The following SFI1 variants were observed in gnomAD, a reference collection of about 807,000 sequenced individuals.
The protein encoded by SFI1 is protein SFI1 homolog.
Under a neutral mutation model 207.5 loss-of-function variants are expected in SFI1, and 195 were observed. That is an observed-to-expected ratio of 0.94 (90% CI 0.84 to 1.06). SFI1 has a LOEUF of 1.06. SFI1 is among the 50% of genes least tolerant of loss of function. The pLI, the probability that SFI1 is intolerant of heterozygous loss-of-function variation, is 0.00. For missense variants in SFI1, 1,634 were observed against 1,588.0 expected (o/e 1.03, Z -0.49); for synonymous variants, 630 against 598.9 (o/e 1.05, Z -0.76).
At chr22:31,535,667 C>A (rs978063930) in intron 4 of SFI1, among the ~76,000 whole-genome samples, 11 of 152,052 alleles carry the variant, frequency 7.2e-5, no homozygotes, top group African/African-American at 2.7e-4. Flanking sequence ...TACAGACGTG[C>A]ACCACCATGC....
rs1293482714 is a variant in SFI1 at position 31,615,092 on chromosome 22, C to T, written c.3113C>T (p.Ala1038Val). ...QEHGLGMAQP[A>V]APSLTRPFLA... ...CATGGCCTAGGCATGGCTCAGCCAGCAGCCCCCTCCCTGACGCGGCCCTTC... is the reference window on the plus strand; with the variant it reads ...CATGGCCTAGGCATGGCTCAGCCAGTAGCCCCCTCCCTGACGCGGCCCTTC... The change falls in exon 29 of 33, where the codon GCA becomes GTA. Residue 1038 changes from alanine to valine, a missense_variant. Transcript: ENST00000400288. The T allele has an allele frequency of 2.5e-6, 4 of 1,606,412 alleles. No individual in the cohort carries two copies. The African/African-American group carries it at 4.0e-5, about 16-fold the overall frequency.
chr22:31,573,655 C>G (rs566752096), intron 9 of SFI1, among the ~76,000 whole-genome samples: 8 of 152,252 alleles, frequency 5.3e-5, no homozygotes, highest in Non-Finnish European at 1.2e-4. Context: ...CCAGGCTAGT[C>G]TCAAACTCCT....
chr22:31,606,082 C>T lies in SFI1; in HGVS notation c.2055-246C>T, dbSNP rs2068920267. ...TTATGCCCTGTTATCCCCGTAGCAC[C>T]TGGAGTTTGGTCTCCAGCAGTGCTG... On this transcript the variant is annotated intron_variant, in intron 20 of 32. Transcript: ENST00000400288. 8.2e-6 allele frequency: 4 copies of T among 488,488 alleles called. No homozygotes were observed. In the South Asian group the frequency reaches 1.1e-4, roughly 13 times the overall value. The allele number at this position is 488,488 out of a possible 1,614,324, so 30.3% of individuals were successfully genotyped here. A position where few individuals can be genotyped will look rare whatever the true frequency, so the allele number is the denominator to read the frequency against.
chr22:31,611,389 T>C, intron 23 of SFI1, 86 bp downstream of exon 23: 1 of 1,430,692 alleles, frequency 7.0e-7, no homozygotes, highest in Non-Finnish European at 9.3e-7. Context: ...GGAAGGGGTC[T>C]TTCCTGACAG....
chr22:31,522,267 C>T (rs566163570), intron 2 of SFI1, among the ~76,000 whole-genome samples: 1 of 151,704 alleles, frequency 6.6e-6, no homozygotes, highest in South Asian at 2.1e-4. Flanking sequence ...AGTGTTTCAC[C>T]ATGTTGGCCA....
intron 4 of SFI1, among the ~76,000 whole-genome samples, chr22:31,542,536 G>A (rs1483547790): frequency 1.3e-5 from 2 of 152,080 alleles, no homozygotes; most frequent in Admixed American, 1.3e-4. Context: ...GCTTAGGAAG[G>A]AGAACCGCTT....
At chr22:31,523,326 G>C (rs1229685213) in intron 2 of SFI1, among the ~76,000 whole-genome samples, 1 of 152,154 alleles carries the variant, frequency 6.6e-6, no homozygotes, top group African/African-American at 2.4e-5. Flanking sequence ...TTTGGCCAGA[G>C]TCTCACCCAC....
At chr22:31,612,674 A>G (rs1406957662) in intron 24 of SFI1, 1 of 161,474 alleles carries the variant, frequency 6.2e-6, no homozygotes, top group Non-Finnish European at 1.4e-5. Context: ...GTGAGCTGTG[A>G]TCATGCCACT....
At chr22:31,550,200 C>A in intron 5 of SFI1, 54 bp from the exon 6 acceptor site, 1 of 1,461,008 alleles carries the variant, frequency 6.8e-7, no homozygotes, top group Non-Finnish European at 9.6e-7. Flanking sequence ...TGTGAGCCAC[C>A]GCGCCCGGCC....
Position 31,613,528 on chromosome 22 carries a change from C to T in SFI1, c.2740C>T (p.Gln914Ter), listed in dbSNP as rs1244023755. ...GCAGCTGCAGGCCCAGCAGCAGGTC[C>T]AGGTAGGCCCAGGGCCCCTTCCTGT... ...RQQLQAQQQV[Q>*]AAHSLHRAVR... Residue 914 changes from glutamine (Q) to a stop codon, truncating the protein, a stop_gained and splice_region_variant, in exon 26 of 33, where the codon CAG becomes TAG. Coordinates refer to ENST00000400288, the MANE Select transcript of SFI1 (RefSeq NM_001007467.3). LOFTEE classifies it high-confidence loss of function. 2 of 1,587,398 alleles carry T rather than the reference C, an allele frequency of 1.3e-6. No homozygotes were observed. The highest frequency in any genetic ancestry group is 1.7e-6 in the Non-Finnish European group (2 of 1,170,262).
chr22:31,589,775 C>G (rs1177153245), intron 15 of SFI1, among the ~76,000 whole-genome samples, 198 bp downstream of exon 15: 1 of 150,238 alleles, frequency 6.7e-6, no homozygotes, highest in Non-Finnish European at 1.5e-5. Context: ...ATCTTTTGTC[C>G]ATCTTTATTT....
chr22:31,585,077 G>A lies in SFI1; in HGVS notation c.1356G>A (p.Leu452=). Residue 452 remains leucine (L), a synonymous_variant, in exon 14 of 33, where the codon CTG becomes CTA. Coordinates refer to ENST00000400288, the MANE Select transcript of SFI1 (RefSeq NM_001007467.3). ...CTTCCTTTTGTTTCAGAATAGCACT[G>A]CTGTGCAAATGTATCGAATTGTGGC... The part of the protein sequence containing the change: ...HAAWDHYRIA[L]LCKCIELWLQ... 6.2e-7 allele frequency: 1 copy of A among 1,613,880 alleles called. No individual in the cohort carries two copies. The highest frequency in any genetic ancestry group is 8.5e-7 in the Non-Finnish European group (1 of 1,179,910).
chr22:31,525,930 G>C (rs1185795226), intron 2 of SFI1, among the ~76,000 whole-genome samples: 8 of 151,994 alleles, frequency 5.3e-5, no homozygotes, highest in Non-Finnish European at 1.2e-4. Flanking sequence ...GGATCACTTT[G>C]GCTATTTGGG....
intron 6 of SFI1, among the ~76,000 whole-genome samples, chr22:31,556,181 T>G (rs752811908): frequency 6.6e-6 from 1 of 151,996 alleles, no homozygotes; most frequent in African/African-American, 2.4e-5. Context: ...CTTTGTATTA[T>G]GGAAAACTTT....
chr22:31,573,598 C>T (rs1208991559), intron 9 of SFI1, among the ~76,000 whole-genome samples: 2 of 151,908 alleles, frequency 1.3e-5, no homozygotes, highest in Non-Finnish European at 1.5e-5. Context: ...CCACCTCGCC[C>T]GGCTAATTTT....
At chr22:31,615,425 T>C in intron 29 of SFI1, 146 bp downstream of exon 29, 1 of 681,358 alleles carries the variant, frequency 1.5e-6, no homozygotes, top group Non-Finnish European at 2.2e-6. Context: ...AGGTAGCCAC[T>C]GCACACCAGG....
chr22:31,544,720 A>G (rs962677175), intron 4 of SFI1, among the ~76,000 whole-genome samples: 5 of 152,154 alleles, frequency 3.3e-5, no homozygotes, highest in African/African-American at 4.8e-5. Context: ...GTACCACTGC[A>G]TTCCAGCCTG....
chr22:31,613,988 A>C (rs1603364062), intron 27 of SFI1, 133 bp downstream of exon 27: 1 of 1,225,826 alleles, frequency 8.2e-7, no homozygotes, highest in Non-Finnish European at 1.1e-6. Flanking sequence ...GCTGCTGGGA[A>C]CCCCCTCTTC....
At chr22:31,616,325 C>A (rs2071433960) in intron 29 of SFI1, 1 of 164,362 alleles carries the variant, frequency 6.1e-6, no homozygotes. Context: ...AGGGGCAAGT[C>A]CACTCTCACC....
Sources: gnomAD v4.1 joint callset for allele counts (sites outside exome capture counted in the v4.1 genomes callset) on GRCh38, gnomAD v4.1.1 for gene constraint, MANE v1.5 for transcripts, NCBI Gene and HGNC (gene_info 2026-07-23, HGNC 2026-07-21) for gene names.